AGAP1: variants seen among roughly 807,000 people sequenced by gnomAD.
AGAP1 encodes the protein ArfGAP with GTPase domain, ankyrin repeat and PH domain 1.
In AGAP1, 29 loss-of-function variants were observed where a neutral mutation model predicts 105.3. The ratio of observed to expected loss-of-function variants is 0.28; its 90% CI spans 0.21 to 0.38. The LOEUF is 0.38. Ranked by LOEUF, AGAP1 falls within the 10% of genes least tolerant of loss-of-function variation. The pLI, the probability that AGAP1 is intolerant of heterozygous loss-of-function variation, is 1.00. For missense variants in AGAP1, 998 were observed against 1,165.1 expected, an observed-to-expected ratio of 0.86 and a Z score of 2.09; for synonymous variants, 509 against 485.9, an observed-to-expected ratio of 1.05 and a Z score of -0.63.
chr2:236,111,523 G>T (rs1317006489), intron 16 of AGAP1, among the ~76,000 whole-genome samples: 1 of 151,532 alleles, frequency 6.6e-6, no homozygotes, highest in Admixed American at 6.6e-5. Context: ...GAAGAAGACT[G>T]GGCACTGTGT....
rs916980289 is a variant in AGAP1, at chr2:235,931,238, C to T, written c.1483+315C>T. 1.1e-4 allele frequency among the ~76,000 whole-genome samples: 16 copies of T among 152,138 alleles called. No homozygotes were observed. The highest frequency in any genetic ancestry group is 2.1e-4 in the Non-Finnish European group (14 of 68,026). On this transcript the variant is annotated intron_variant, in intron 12 of 17. Transcript: ENST00000304032. The surrounding 1 kb of genome is among the most constrained non-coding windows in gnomAD (Gnocchi z 5.6). ...CAGGGTCACGTGACAGAAGTGGCAG[C>T]GCTGAGAAATAAGATCTGATTTTAT...
intron 5 of AGAP1, among the ~76,000 whole-genome samples, 170 bp downstream of exon 5, chr2:235,745,009 A>G (rs759171514): frequency 6.6e-6 from 1 of 152,132 alleles, no homozygotes; most frequent in Non-Finnish European, 1.5e-5. Context: ...ATTTGATTCT[A>G]TGGTGAAACC....
At chr2:235,854,847 T>C (rs1386565066) in intron 9 of AGAP1, among the ~76,000 whole-genome samples, 1 of 152,192 alleles carries the variant, frequency 6.6e-6, no homozygotes, top group Non-Finnish European at 1.5e-5. Flanking sequence ...AACAATTCTT[T>C]ATTCATTCTT....
rs1438397708 is a variant in AGAP1 at position 235,635,493 on chromosome 2, G to T, written c.164-73686G>T. Among the ~76,000 whole-genome samples, 17 of 152,116 alleles carry T rather than the reference G, an allele frequency of 1.1e-4. No individual in the cohort carries two copies. Among genetic ancestry groups the T allele is most frequent in the Admixed American group, 9.8e-4 (15 of 15,248 alleles). The stretch of plus-strand genomic sequence containing the variant: ...CGTTCTTTTATTCATCATCCAAAAA[G>T]TTCCATTGTTTGAGATGATTCAACA... On this transcript the variant is annotated intron_variant, in intron 1 of 17. Transcript: ENST00000304032. This position sits in a 1 kb window ranked among gnomAD's most constrained non-coding sequence, Gnocchi z 5.3.
In AGAP1 at chr2:235,747,101, T is replaced by C. The variant is rs1453940762; in HGVS notation, c.538+2262T>C. 6.6e-6 allele frequency among the ~76,000 whole-genome samples: 1 copy of C among 152,012 alleles called. No individual in the cohort carries two copies. The highest frequency in any genetic ancestry group is 1.5e-5 in the Non-Finnish European group (1 of 68,000). On this transcript the variant is annotated intron_variant, in intron 5 of 17. Coordinates refer to ENST00000304032, the MANE Select transcript of AGAP1 (RefSeq NM_001037131.3). The surrounding 1 kb of genome is among the most constrained non-coding windows in gnomAD (Gnocchi z 5.0). Reference sequence around the variant, plus strand: ...GGCATCTTAACAATGGCTGCTTTTGTTCCTCATATTTCAATCTGCGACCAG... The same window carrying C: ...GGCATCTTAACAATGGCTGCTTTTGCTCCTCATATTTCAATCTGCGACCAG...
chr2:235,997,033 A>C (rs1007455969), intron 13 of AGAP1, among the ~76,000 whole-genome samples: 11 of 152,218 alleles, frequency 7.2e-5, no homozygotes, highest in Admixed American at 5.2e-4. Context: ...TAATGAAGAC[A>C]GGAGTGTGTG....
Position 236,005,221 on chromosome 2 carries a change from T to G in AGAP1, c.1646-31340T>G, listed in dbSNP as rs1019559329. 6.6e-6 allele frequency among the ~76,000 whole-genome samples: 1 copy of G among 152,074 alleles called. No homozygotes were observed. The highest frequency in any genetic ancestry group is 2.4e-5 in the African/African-American group (1 of 41,414). ...GAGTGCAATGGTGCAATCTTGGCTC[T>G]TGCAACCTCCGCCTCCCAGACTCAA... On this transcript the variant is annotated intron_variant, in intron 13 of 17. Coordinates refer to ENST00000304032, the MANE Select transcript of AGAP1 (RefSeq NM_001037131.3). The surrounding 1 kb of genome is among the most constrained non-coding windows in gnomAD (Gnocchi z 4.1).
intron 1 of AGAP1, among the ~76,000 whole-genome samples, chr2:235,697,617 C>G (rs988399894): frequency 2.0e-5 from 3 of 152,146 alleles, no homozygotes; most frequent in Non-Finnish European, 4.4e-5. Context: ...GCTCTTGTGG[C>G]GAAAATTCAG....
chr2:235,826,306 G>C (rs1959059514), intron 9 of AGAP1, among the ~76,000 whole-genome samples: 1 of 152,246 alleles, frequency 6.6e-6, no homozygotes, highest in African/African-American at 2.4e-5. Context: ...CCAACTCAGA[G>C]ATGCTGCTTG....
intron 1 of AGAP1, among the ~76,000 whole-genome samples, chr2:235,648,345 T>C (rs1947461113): frequency 2.6e-5 from 4 of 152,326 alleles, no homozygotes; most frequent in Middle Eastern, 3.4e-3. Flanking sequence ...TGCGGTGGGC[T>C]AGCTCCAGTG....
At chr2:235,932,235 C>T (rs2052759674) in intron 12 of AGAP1, among the ~76,000 whole-genome samples, 1 of 152,216 alleles carries the variant, frequency 6.6e-6, no homozygotes, top group Admixed American at 6.5e-5. Flanking sequence ...AGCCAGGCAG[C>T]CTAGGATGAG....
At chr2:235,876,660 A>G (rs1259557512) in intron 9 of AGAP1, among the ~76,000 whole-genome samples, 1 of 152,092 alleles carries the variant, frequency 6.6e-6, no homozygotes, top group Non-Finnish European at 1.5e-5. Flanking sequence ...CACGACAACT[A>G]AAGCCTGACT....
chr2:235,547,091 G>A (rs901663863), intron 1 of AGAP1, among the ~76,000 whole-genome samples: 3 of 152,130 alleles, frequency 2.0e-5, no homozygotes, highest in Non-Finnish European at 2.9e-5. Context: ...TTTTAGGATC[G>A]TGGTGTAAGA....
Position 235,987,559 on chromosome 2 carries a change from C to T in AGAP1, c.1645+18936C>T, listed in dbSNP as rs998363833. ...TCCTGTCTCTACTCTATCAATTCTT[C>T]TCTGATCTTAGTTATTTCTTGTCTT... On this transcript the variant is annotated intron_variant, in intron 13 of 17. Transcript: ENST00000304032. Among the ~76,000 whole-genome samples the T allele has an allele frequency of 8.9e-5, 11 of 124,124 alleles. No individual in the cohort carries two copies. The Admixed American group carries it at 1.1e-3, about 12-fold the overall frequency. The allele number at this position is 124,124 out of a possible 152,430, so 81.4% of individuals were successfully genotyped here.
rs2058568672 is a variant in AGAP1 at position 236,073,864 on chromosome 2, C to T, written c.2114+24583C>T. Among the ~76,000 whole-genome samples, 1 of 152,128 alleles carries T rather than the reference C, an allele frequency of 6.6e-6. No individual in the cohort carries two copies. The highest frequency in any genetic ancestry group is 2.4e-5 in the African/African-American group (1 of 41,430). On this transcript the variant is annotated intron_variant, in intron 16 of 17. Coordinates refer to ENST00000304032, the MANE Select transcript of AGAP1 (RefSeq NM_001037131.3). This position sits in a 1 kb window ranked among gnomAD's most constrained non-coding sequence, Gnocchi z 5.4. Reference sequence around the variant, plus strand: ...AGACCTGCAGCCCCCCACCAGACCCCCAGAATCACACTATGCTGGTTGGCC... The same window carrying T: ...AGACCTGCAGCCCCCCACCAGACCCTCAGAATCACACTATGCTGGTTGGCC...
intron 2 of AGAP1, among the ~76,000 whole-genome samples, chr2:235,710,171 G>A (rs1451956492): frequency 6.6e-6 from 1 of 152,120 alleles, no homozygotes; most frequent in East Asian, 1.9e-4. Context: ...ATCCCCTGCG[G>A]CCCGTGGACT....
chr2:235,514,508 C>G (rs1284991156), intron 1 of AGAP1, among the ~76,000 whole-genome samples: 1 of 152,264 alleles, frequency 6.6e-6, no homozygotes, highest in Non-Finnish European at 1.5e-5. Context: ...GCCAGGCTCA[C>G]AGTTCCTGGC....
intron 1 of AGAP1, among the ~76,000 whole-genome samples, chr2:235,584,877 TC>T (rs1036331970): frequency 6.6e-6 from 1 of 150,438 alleles, no homozygotes; most frequent in African/African-American, 2.5e-5. Context: ...CTATTGTGTA[TC>T]GTGTATCGTG....
chr2:235,635,246 T>C lies in AGAP1; in HGVS notation c.164-73933T>C, dbSNP rs2316911. Among the ~76,000 whole-genome samples, 150,941 of 152,152 alleles carry C rather than the reference T, an allele frequency of 0.99. 74,875 individuals are homozygous for C. The highest frequency in any genetic ancestry group is 1 in the East Asian group (5,146 of 5,146). On this transcript the variant is annotated intron_variant, in intron 1 of 17. Coordinates refer to ENST00000304032, the MANE Select transcript of AGAP1 (RefSeq NM_001037131.3). This position sits in a 1 kb window ranked among gnomAD's most constrained non-coding sequence, Gnocchi z 5.3. ...TCGGTCAAACCTTTCCAAGCCTCCG[T>C]GTCCTCATCTGAAAATGGGAATGAG...
Sources: gnomAD v4.1 joint callset for allele counts (sites outside exome capture counted in the v4.1 genomes callset) on GRCh38, gnomAD v4.1.1 for gene constraint, Gnocchi (gnomAD v3.1) non-coding constraint, MANE v1.5 for transcripts, NCBI Gene and HGNC (gene_info 2026-07-23, HGNC 2026-07-21) for gene names.